The following GP6 variants were observed in gnomAD, a reference collection of about 807,000 sequenced individuals.
GP6 encodes the protein platelet glycoprotein VI.
GP6 carries 45 observed loss-of-function variants against 37.3 expected under a neutral mutation model. The observed-to-expected ratio is 1.21, with a 90% CI of 0.95 to 1.55. The LOEUF (loss-of-function observed/expected upper bound fraction) is 1.55, where lower values mean the gene tolerates loss of function less well. GP6 is among the 40% of genes most tolerant of loss of function. GP6 has a pLI of 0.00. For missense variants in GP6, 813 were observed against 760.2 expected (o/e 1.07, Z -0.82); for synonymous variants, 340 against 316.4 (o/e 1.07, Z -0.79).
intron 5 of GP6, among the ~76,000 whole-genome samples, chr19:55,020,813 G>T (rs2146747161): frequency 6.6e-6 from 1 of 152,184 alleles, no homozygotes; most frequent in Non-Finnish European, 1.5e-5. Flanking sequence ...CACTTTGGGA[G>T]GCCGAGGTGG....
In GP6 at chr19:55,018,460, A is replaced by AC. The variant is rs1189116861; in HGVS notation, c.724+191dup. On this transcript the variant is annotated intron_variant, in intron 6 of 7. Transcript: ENST00000310373. The stretch of plus-strand genomic sequence containing the variant: ...CCGCCATCTTTGAAATGGCCCCATC[A>AC]CCCAAAACGCTCCTCCTTCTGAACC... 2.6e-5 allele frequency among the ~76,000 whole-genome samples: 4 copies of AC among 152,194 alleles called. No homozygotes were observed. The East Asian group carries it at 7.7e-4, about 29-fold the overall frequency.
At position 55,038,239 on chromosome 19, in the gene GP6, TTCCTCAGCCCTG is replaced by T. The variant is rs542859922; in HGVS notation, c.-15_-4del. On this transcript the variant is annotated 5_prime_UTR_variant, in exon 1 of 8. Transcript: ENST00000310373. The stretch of plus-strand genomic sequence containing the variant: ...AGGGCGGTCGGGGATGGAGACATGG[TTCCTCAGCCCTG>T]TCCTGAGCTCTGTGGCCAGGGAGGG... 172 of 1,587,298 alleles carry T rather than the reference TTCCTCAGCCCTG, an allele frequency of 1.1e-4. 2 individuals carry two copies. The South Asian group carries it at 1.9e-3, about 17-fold the overall frequency.
At chr19:55,032,582 TG>T (rs762137463) in intron 1 of GP6, 44 bp from the exon 2 acceptor site, 11 of 1,605,470 alleles carry the variant, frequency 6.9e-6, no homozygotes, top group Non-Finnish European at 8.5e-6. Context: ...CTCGCTTTTA[TG>T]GACATTCCTG....
rs565245595 is a variant in GP6, at chr19:55,031,945, C to T, written c.325+194G>A. On this transcript the variant is annotated intron_variant, in intron 3 of 7. Transcript: ENST00000310373. ...CCAAGATCGCGCCACTGCTCTCCACCCTGGGTGACGCAGCAAGACCCTGTG... is the reference window on the plus strand; with the variant it reads ...CCAAGATCGCGCCACTGCTCTCCACTCTGGGTGACGCAGCAAGACCCTGTG... Among the ~76,000 whole-genome samples, 3 of 152,228 alleles carry T rather than the reference C, an allele frequency of 2.0e-5. No homozygotes were observed. The South Asian group carries it at 6.2e-4, about 32-fold the overall frequency.
chr19:55,014,032 T>G lies in GP6; in HGVS notation c.*50A>C. 2 of 555,448 alleles carry G rather than the reference T, an allele frequency of 3.6e-6. No individual in the cohort carries two copies. Among genetic ancestry groups the G allele is most frequent in the Non-Finnish European group, 3.4e-6 (1 of 291,034 alleles). 34.4% of individuals were successfully genotyped at this position (555,448 alleles called of 1,614,324 possible). Reference sequence around the variant, plus strand: ...AAAAATGTATACAGAATTGTACATATTTATGGGGTGGACAGCAATATTGCA... The same window carrying G: ...AAAAATGTATACAGAATTGTACATAGTTATGGGGTGGACAGCAATATTGCA... On this transcript the variant is annotated 3_prime_UTR_variant, in exon 8 of 8. Coordinates refer to ENST00000310373, the MANE Select transcript of GP6 (RefSeq NM_001083899.2).
chr19:55,014,715 G>A lies in GP6; in HGVS notation c.1230C>T (p.Pro410=). 3 of 1,613,896 alleles carry A rather than the reference G, an allele frequency of 1.9e-6. No individual in the cohort carries two copies. Among genetic ancestry groups the A allele is most frequent in the Non-Finnish European group, 2.5e-6 (3 of 1,179,978 alleles). The change falls in exon 8 of 8, where the codon CCC becomes CCT. Residue 410 remains proline (P), a synonymous_variant. Transcript: ENST00000310373. ...ACAGATTCCTTCCATCCCAAATGGA[G>A]GGTGCCCTCAGACAGAGAGGCAGAC...
intron 3 of GP6, among the ~76,000 whole-genome samples, chr19:55,030,227 A>G (rs916205233): frequency 6.6e-6 from 1 of 152,218 alleles, no homozygotes; most frequent in Non-Finnish European, 1.5e-5. Flanking sequence ...GGGTGCACCT[A>G]TAGTCCCAGC....
Position 55,026,883 on chromosome 19 carries a change from C to CAAA in GP6, c.610+692_610+694dup, listed in dbSNP as rs767194721. 2.3e-3 allele frequency among the ~76,000 whole-genome samples: 307 copies of CAAA among 131,084 alleles called. 5 individuals are homozygous for CAAA. The highest frequency in any genetic ancestry group is 8.9e-3 in the Admixed American group (116 of 13,064). 86.0% of individuals were successfully genotyped at this position (131,084 alleles called of 152,430 possible). ...CCTGGGTGACAGAGTGAGACTTCGT[C>CAAA]AAAAAAAAAAAAAAGAAACCTCCAT... On this transcript the variant is annotated intron_variant, in intron 4 of 7. Coordinates refer to ENST00000310373, the MANE Select transcript of GP6 (RefSeq NM_001083899.2).
chr19:55,037,969 G>A (rs753389073), intron 1 of GP6, among the ~76,000 whole-genome samples: 10 of 151,996 alleles, frequency 6.6e-5, no homozygotes, highest in Non-Finnish European at 1.2e-4. Flanking sequence ...ACAAAGTTGT[G>A]ACCAATGCTA....
intron 6 of GP6, 114 bp downstream of exon 6, chr19:55,018,538 G>T: frequency 2.5e-6 from 2 of 793,822 alleles, no homozygotes; most frequent in Admixed American, 1.7e-5. Context: ...GACTTTCTTG[G>T]TAAGAGACGG....
At chr19:55,020,857 C>A (rs912058924) in intron 5 of GP6, among the ~76,000 whole-genome samples, 2 of 151,474 alleles carry the variant, frequency 1.3e-5, no homozygotes, top group Non-Finnish European at 2.9e-5. Flanking sequence ...TCAAGACCAC[C>A]CTGGCCAACA....
intron 5 of GP6, among the ~76,000 whole-genome samples, chr19:55,020,273 T>C (rs1290019130): frequency 1.3e-5 from 2 of 152,064 alleles, no homozygotes; most frequent in East Asian, 1.9e-4. Context: ...GTTTGTTACA[T>C]AGGTAAACGT....
At chr19:55,036,468 G>A (rs1381523423) in intron 1 of GP6, among the ~76,000 whole-genome samples, 1 of 152,154 alleles carries the variant, frequency 6.6e-6, no homozygotes, top group East Asian at 1.9e-4. Context: ...GGAGGCCGAG[G>A]TGGGTGGATC....
In GP6 at chr19:55,024,306, A is replaced by ACACACGCACGCACACG. The variant is rs1349547133; in HGVS notation, c.664+911_664+912insCGTGTGCGTGCGTGTG. Reference sequence around the variant, plus strand: ...CACACACATATGCACGCATGCACACACATATGCACGCACACACACATATGC... The same window carrying ACACACGCACGCACACG: ...CACACACATATGCACGCATGCACACACACACGCACGCACACGCATATGCACGCACACACACATATGC... On this transcript the variant is annotated intron_variant, in intron 5 of 7. Coordinates refer to ENST00000310373, the MANE Select transcript of GP6 (RefSeq NM_001083899.2). 6.9e-4 allele frequency among the ~76,000 whole-genome samples: 98 copies of ACACACGCACGCACACG among 142,162 alleles called. 5 individuals carry two copies. In the East Asian group the frequency reaches 0.017, roughly 25 times the overall value. 93.3% of individuals were successfully genotyped at this position (142,162 alleles called of 152,430 possible). A position where few individuals can be genotyped will look rare whatever the true frequency, so the allele number is the denominator to read the frequency against.
rs776037769 is a variant in GP6, at chr19:55,014,589, G to A, written c.1356C>T (p.Asp452=). 3.1e-5 allele frequency: 50 copies of A among 1,613,774 alleles called. No homozygotes were observed. The South Asian group carries it at 4.3e-4, about 14-fold the overall frequency. The change falls in exon 8 of 8, where the codon GAC becomes GAT. Residue 452 remains aspartate (D), a synonymous_variant. Transcript: ENST00000310373. ...TGAGAGCTGGGAACCTTAGAGATCC[G>A]TCTGGAGCCCATATTAGAGAGGTTG...
chr19:55,028,312 T>G (rs1384128461), intron 3 of GP6, among the ~76,000 whole-genome samples: 1 of 152,240 alleles, frequency 6.6e-6, no homozygotes, highest in African/African-American at 2.4e-5. Flanking sequence ...AGTGCTAGCT[T>G]CCGGGTGCCT....
At chr19:55,031,551 A>G (rs2074559425) in intron 3 of GP6, among the ~76,000 whole-genome samples, 1 of 152,170 alleles carries the variant, frequency 6.6e-6, no homozygotes, top group Non-Finnish European at 1.5e-5. Flanking sequence ...TTCTGCCTTT[A>G]TTTGAAATTC....
chr19:55,014,991 A>G lies in GP6; in HGVS notation c.954T>C (p.Ala318=), dbSNP rs1654413. 2.9e-5 allele frequency: 47 copies of G among 1,611,858 alleles called. No homozygotes were observed. Among genetic ancestry groups the G allele is most frequent in the Non-Finnish European group, 3.7e-5 (44 of 1,179,076 alleles). ...CTGACCCCCGTTTGATTTCCGGGTCAGCGGGAGGGGCGGGAGGGGCGGAAG... is the reference window on the plus strand; with the variant it reads ...CTGACCCCCGTTTGATTTCCGGGTCGGCGGGAGGGGCGGGAGGGGCGGAAG... Residue 318 remains alanine (A), a synonymous_variant, in exon 8 of 8, where the codon GCT becomes GCC. Coordinates refer to ENST00000310373, the MANE Select transcript of GP6 (RefSeq NM_001083899.2).
rs1346745256 is a variant in GP6 at position 55,014,344 on chromosome 19, G to A, written c.1601C>T (p.Thr534Ile). 15 of 1,608,766 alleles carry A rather than the reference G, an allele frequency of 9.3e-6. No homozygotes were observed. Among genetic ancestry groups the A allele is most frequent in the East Asian group, 8.9e-5 (4 of 44,864 alleles). Residue 534 changes from threonine to isoleucine, a missense_variant, in exon 8 of 8, where the codon ACA becomes ATA. Thr to Ile is a moderately conservative substitution (Grantham distance 89). Transcript: ENST00000310373. ...GCACAGGCTGATCTTGTTTTCTAAT[G>A]TGAAGGGAAGCGGGCAACGTGCTAG...
Sources: gnomAD v4.1 joint callset for allele counts (sites outside exome capture counted in the v4.1 genomes callset) on GRCh38, gnomAD v4.1.1 for gene constraint, MANE v1.5 for transcripts, NCBI Gene and HGNC (gene_info 2026-07-23, HGNC 2026-07-21) for gene names.